Variants in CTNNA2 observed in about 807,000 individuals in gnomAD.
CTNNA2 encodes catenin alpha-2.
A neutral mutation model predicts 101.0 loss-of-function variants in CTNNA2; 42 were observed. The ratio of observed to expected loss-of-function variants is 0.42; its 90% CI spans 0.32 to 0.54. The LOEUF is 0.54. Ranked by LOEUF, CTNNA2 falls within the 20% of genes least tolerant of loss-of-function variation. The probability of loss-of-function intolerance (pLI) is 0.14; values close to 1 mark genes in which losing one functional copy is unlikely to be tolerated. For synonymous variants in CTNNA2, 450 were observed against 456.4 expected (o/e 0.99, Z 0.18); for missense variants, 871 against 1,223.1 (o/e 0.71, Z 4.29).
chr2:80,234,171 C>G (rs1709418128), intron 7 of CTNNA2, among the ~76,000 whole-genome samples: 1 of 152,034 alleles, frequency 6.6e-6, no homozygotes, highest in South Asian at 2.1e-4. Context: ...CTCAGCCTCC[C>G]AAGGTACGCA....
chr2:79,524,555 A>C (rs1176696012), intron 1 of CTNNA2: 2 of 151,748 alleles, frequency 1.3e-5, no homozygotes. Flanking sequence ...ACATACACAC[A>C]CACACACCCC....
intron 2 of CTNNA2, among the ~76,000 whole-genome samples, chr2:79,200,742 T>A (rs1674023417): frequency 6.6e-6 from 1 of 152,078 alleles, no homozygotes; most frequent in Non-Finnish European, 1.5e-5. Context: ...GGCCTTTTAA[T>A]ACAAACACAC....
chr2:79,571,871 T>A (rs1675479401), intron 1 of CTNNA2, among the ~76,000 whole-genome samples: 1 of 152,162 alleles, frequency 6.6e-6, no homozygotes, highest in Admixed American at 6.5e-5. Context: ...TCTTTCACTA[T>A]GACCACCTTC....
At chr2:80,561,827 A>ATTTTTTTTTTT (rs368503035) in intron 12 of CTNNA2, among the ~76,000 whole-genome samples, 14 of 123,560 alleles carry the variant, frequency 1.1e-4, no homozygotes, top group African/African-American at 2.1e-4. Context: ...CGCCTGGCTA[A>ATTTTTTTTTTT]TTTTTTTTTT....
chr2:79,781,675 AAAT>A (rs1422629337), intron 3 of CTNNA2, among the ~76,000 whole-genome samples: 4 of 152,198 alleles, frequency 2.6e-5, no homozygotes, highest in Admixed American at 6.5e-5. Context: ...GGAAGTAAAC[AAAT>A]AATAAAATGT....
chr2:79,988,949 T>C (rs1691970582), intron 7 of CTNNA2, among the ~76,000 whole-genome samples: 1 of 152,238 alleles, frequency 6.6e-6, no homozygotes, highest in Admixed American at 6.5e-5. Context: ...GTATAGCTTT[T>C]GTTCAGGATT....
At chr2:79,888,133 G>T (rs1312327420) in intron 6 of CTNNA2, among the ~76,000 whole-genome samples, 1 of 152,164 alleles carries the variant, frequency 6.6e-6, no homozygotes. Flanking sequence ...TGCAAGTCCA[G>T]CTAATTCTTA....
chr2:79,686,834 G>A (rs1683964531), intron 2 of CTNNA2, among the ~76,000 whole-genome samples: 1 of 152,106 alleles, frequency 6.6e-6, no homozygotes, highest in African/African-American at 2.4e-5. Flanking sequence ...TATGCTCAAT[G>A]TCTAGAGTGA....
At chr2:80,360,771 G>A (rs1268254130) in intron 7 of CTNNA2, among the ~76,000 whole-genome samples, 1 of 152,002 alleles carries the variant, frequency 6.6e-6, no homozygotes, top group Admixed American at 6.6e-5. Flanking sequence ...AATCTACAAT[G>A]ATAGCATTTT....
intron 7 of CTNNA2, among the ~76,000 whole-genome samples, chr2:80,347,616 A>G (rs1672861170): frequency 1.3e-5 from 2 of 152,176 alleles, no homozygotes; most frequent in African/African-American, 4.8e-5. Context: ...CTCACATTGC[A>G]TAATGGAAAT....
At chr2:79,413,998 A>G (rs1421489842) in intron 4 of CTNNA2, among the ~76,000 whole-genome samples, 1 of 147,626 alleles carries the variant, frequency 6.8e-6, no homozygotes, top group Non-Finnish European at 1.5e-5. Context: ...ATATAATTCT[A>G]TTTATCTATT....
intron 2 of CTNNA2, among the ~76,000 whole-genome samples, chr2:79,719,224 T>C (rs1465913388): frequency 1.3e-5 from 2 of 152,156 alleles, no homozygotes; most frequent in Non-Finnish European, 2.9e-5. Flanking sequence ...GCTCTATACA[T>C]GTTGCTTGAA....
intron 1 of CTNNA2, among the ~76,000 whole-genome samples, chr2:79,575,806 G>A (rs1456236976): frequency 6.6e-6 from 1 of 152,180 alleles, no homozygotes; most frequent in African/African-American, 2.4e-5. Flanking sequence ...TTGGATTGAA[G>A]TACAAGAGTA....
intron 3 of CTNNA2, among the ~76,000 whole-genome samples, chr2:79,807,474 T>TA (rs1420262484): frequency 6.6e-6 from 1 of 152,186 alleles, no homozygotes; most frequent in African/African-American, 2.4e-5. Context: ...TTTTTAGCCT[T>TA]AAAAATAGTT....
intron 7 of CTNNA2, among the ~76,000 whole-genome samples, chr2:80,182,661 A>G (rs1241077854): frequency 3.3e-5 from 5 of 152,210 alleles, no homozygotes; most frequent in Non-Finnish European, 7.3e-5. Flanking sequence ...TAAGGATTAG[A>G]TTGAAAATGG....
intron 1 of CTNNA2, among the ~76,000 whole-genome samples, chr2:79,555,487 T>A (rs1674386702): frequency 6.6e-6 from 1 of 152,152 alleles, no homozygotes; most frequent in Admixed American, 6.6e-5. Context: ...CAGTCATGGA[T>A]CTCATTTAAG....
chr2:80,357,386 A>G (rs552316853), intron 7 of CTNNA2, among the ~76,000 whole-genome samples: 1 of 152,082 alleles, frequency 6.6e-6, no homozygotes, highest in Non-Finnish European at 1.5e-5. Flanking sequence ...CTCATAGTCT[A>G]TCTGTATTTG....
intron 7 of CTNNA2, among the ~76,000 whole-genome samples, chr2:80,340,585 C>G (rs1273028877): frequency 3.3e-5 from 5 of 152,114 alleles, no homozygotes; most frequent in Non-Finnish European, 4.4e-5. Flanking sequence ...ACATACAGCC[C>G]TTTAGCCATA....
At chr2:80,286,390 AG>A (rs773652225) in intron 7 of CTNNA2, among the ~76,000 whole-genome samples, 7 of 152,184 alleles carry the variant, frequency 4.6e-5, no homozygotes, top group Non-Finnish European at 8.8e-5. Context: ...GTGTAGGGGA[AG>A]GATATAAGAG....
Sources: gnomAD v4.1 joint callset for allele counts (sites outside exome capture counted in the v4.1 genomes callset) on GRCh38, gnomAD v4.1.1 for gene constraint, MANE v1.5 for transcripts, NCBI Gene and HGNC (gene_info 2026-07-23, HGNC 2026-07-21) for gene names.